Variants in ZNF664 observed in about 807,000 individuals in gnomAD.
ZNF664 encodes the protein zinc finger protein 664.
In ZNF664, 10 loss-of-function variants were observed where a neutral mutation model predicts 18.2. The observed-to-expected ratio is 0.55, with a 90% CI of 0.34 to 0.93. The LOEUF is 0.93. Ranked by LOEUF, ZNF664 falls within the 40% of genes least tolerant of loss-of-function variation. The pLI, the probability that ZNF664 is intolerant of heterozygous loss-of-function variation, is 0.02. For missense variants in ZNF664, 193 were observed against 319.0 expected (o/e 0.61, Z 3.01); for synonymous variants, 119 against 104.2 (o/e 1.14, Z -0.86).
Position 124,012,075 on chromosome 12 carries a change from A to G in ZNF664, c.-70A>G, listed in dbSNP as rs563822718. The G allele has an allele frequency of 2.7e-5, 41 of 1,520,938 alleles. No homozygotes were observed. The highest frequency in any genetic ancestry group is 3.5e-4 in the Middle Eastern group (2 of 5,650). 94.2% of individuals were successfully genotyped at this position (1,520,938 alleles called of 1,614,324 possible). On this transcript the variant is annotated 5_prime_UTR_variant, in exon 5 of 5. Coordinates refer to ENST00000337815, the MANE Select transcript of ZNF664 (RefSeq NM_152437.3). ...ATGGCCAAATAAGAGACTCTATGAA[A>G]TAACAGTCTTGTAACTGTAGTAATC...
In ZNF664 at chr12:124,010,664, CAG is replaced by C. The variant is rs200405314; in HGVS notation, c.-660-712_-660-711del. The stretch of plus-strand genomic sequence containing the variant: ...AACACCTCTCATTGCCAGGTTATAA[CAG>C]AGAGCAACGCACACAGTTCCTCCTT... On this transcript the variant is annotated intron_variant, in intron 3 of 4. Transcript: ENST00000337815. Among the ~76,000 whole-genome samples, 141 of 152,316 alleles carry C rather than the reference CAG, an allele frequency of 9.3e-4. No individual in the cohort carries two copies. The East Asian group carries it at 0.025, about 27-fold the overall frequency.
At chr12:123,975,430 A>AG (rs1279492145) in intron 2 of ZNF664, among the ~76,000 whole-genome samples, 24 of 151,564 alleles carry the variant, frequency 1.6e-4, no homozygotes, top group African/African-American at 5.8e-4. Context: ...TTAAAAAAAA[A>AG]AAAAAAGAGA....
chr12:123,985,525 C>T (rs981215936), intron 2 of ZNF664, among the ~76,000 whole-genome samples: 55 of 152,190 alleles, frequency 3.6e-4, no homozygotes, highest in African/African-American at 4.8e-5. Context: ...CTTGGTAAAA[C>T]TAATAGTATG....
intron 3 of ZNF664, 139 bp downstream of exon 3, chr12:123,988,277 T>C: frequency 1.5e-6 from 1 of 656,714 alleles, no homozygotes; most frequent in Non-Finnish European, 2.2e-6. Context: ...GTGCACGCTC[T>C]TCCTGACCTC....
chr12:123,977,301 G>A (rs938577750), intron 2 of ZNF664, among the ~76,000 whole-genome samples: 7 of 151,900 alleles, frequency 4.6e-5, no homozygotes, highest in Non-Finnish European at 5.9e-5. Context: ...AGTGAAGTGA[G>A]GCTCTAAAAT....
chr12:123,986,113 C>G (rs1434643486), intron 2 of ZNF664, among the ~76,000 whole-genome samples: 3 of 142,250 alleles, frequency 2.1e-5, no homozygotes, highest in South Asian at 4.6e-4. Flanking sequence ...GCATGTCTGG[C>G]GGGGGGCTGG....
chr12:124,010,897 G>A (rs1208663679), intron 3 of ZNF664, among the ~76,000 whole-genome samples: 1 of 152,182 alleles, frequency 6.6e-6, no homozygotes, highest in African/African-American at 2.4e-5. Context: ...GGAACAGCAT[G>A]TACAAAGGCC....
chr12:123,973,496 C>T (rs920696739), intron 1 of ZNF664, 144 bp downstream of exon 1: 12 of 465,492 alleles, frequency 2.6e-5, no homozygotes, highest in Admixed American at 2.6e-4. Flanking sequence ...GGATGGGCCT[C>T]GGGATGGCGG....
Position 124,012,927 on chromosome 12 carries a change from A to G in ZNF664, c.783A>G (p.Ile261Met), listed in dbSNP as rs1158325174. 4 of 1,612,108 alleles carry G rather than the reference A, an allele frequency of 2.5e-6. No individual in the cohort carries two copies. The highest frequency in any genetic ancestry group is 3.4e-6 in the Non-Finnish European group (4 of 1,179,480). Residue 261 changes from isoleucine to methionine, a missense_variant, in exon 5 of 5, where the codon ATA becomes ATG. Transcript: ENST00000337815. ...KERNHLKISV[I>M] ...GAAACCATCTCAAAATATCAGTTATATAAAACGTTTTGCTAAGAGTTTAAA... is the reference window on the plus strand; with the variant it reads ...GAAACCATCTCAAAATATCAGTTATGTAAAACGTTTTGCTAAGAGTTTAAA...
chr12:124,011,391 C>T lies in ZNF664; in HGVS notation c.-650C>T. On this transcript the variant is annotated 5_prime_UTR_variant, in exon 4 of 5. Coordinates refer to ENST00000337815, the MANE Select transcript of ZNF664 (RefSeq NM_152437.3). Reference sequence around the variant, plus strand: ...AATTCTCTCCTTCAGACCTGCAAATCCAAGAGACACATCTTTGGAAGATAA... The same window carrying T: ...AATTCTCTCCTTCAGACCTGCAAATTCAAGAGACACATCTTTGGAAGATAA... 22 of 1,012,500 alleles carry T rather than the reference C, an allele frequency of 2.2e-5. No homozygotes were observed. The highest frequency in any genetic ancestry group is 3.5e-5 in the African/African-American group (2 of 57,726). The allele number at this position is 1,012,500 out of a possible 1,614,324, so 62.7% of individuals were successfully genotyped here. A position where few individuals can be genotyped will look rare whatever the true frequency, so the allele number is the denominator to read the frequency against.
chr12:123,985,606 C>A (rs748691828), intron 2 of ZNF664, among the ~76,000 whole-genome samples: 1 of 152,168 alleles, frequency 6.6e-6, no homozygotes, highest in Non-Finnish European at 1.5e-5. Context: ...TTCCTAATAT[C>A]AGAAGTGGTA....
At chr12:123,987,961 G>A (rs991160001) in intron 2 of ZNF664, 82 bp from the exon 3 acceptor site, 6 of 1,229,034 alleles carry the variant, frequency 4.9e-6, no homozygotes, top group Non-Finnish European at 5.1e-6. Context: ...CACGTTTATA[G>A]TAGCTAGTTC....
At chr12:124,007,001 C>G (rs1957080518) in intron 3 of ZNF664, among the ~76,000 whole-genome samples, 2 of 152,190 alleles carry the variant, frequency 1.3e-5, no homozygotes, top group African/African-American at 2.4e-5. Flanking sequence ...TCTGGATTTA[C>G]AGCTGCCTCT....
intron 2 of ZNF664, among the ~76,000 whole-genome samples, chr12:123,987,723 A>G (rs765385098): frequency 3.9e-5 from 6 of 152,188 alleles, no homozygotes; most frequent in Non-Finnish European, 5.9e-5. Flanking sequence ...CAGTTATCTT[A>G]TACCTATGAA....
At position 123,974,006 on chromosome 12, in the gene ZNF664, C is replaced by G. The variant is rs750454509; in HGVS notation, c.-771C>G. 2.1e-5 allele frequency: 26 copies of G among 1,231,860 alleles called. No homozygotes were observed. The highest frequency in any genetic ancestry group is 2.4e-5 in the Non-Finnish European group (24 of 988,166). 76.3% of individuals were successfully genotyped at this position (1,231,860 alleles called of 1,614,324 possible). A position where few individuals can be genotyped will look rare whatever the true frequency, so the allele number is the denominator to read the frequency against. Reference sequence around the variant, plus strand: ...TCCATTGTTTGACCACAACAAGGGCCGGATTCTCACCCAGGTAAACCGGCT... The same window carrying G: ...TCCATTGTTTGACCACAACAAGGGCGGGATTCTCACCCAGGTAAACCGGCT... On this transcript the variant is annotated 5_prime_UTR_variant, in exon 2 of 5. Coordinates refer to ENST00000337815, the MANE Select transcript of ZNF664 (RefSeq NM_152437.3).
At chr12:123,976,067 T>C (rs1369064504) in intron 2 of ZNF664, among the ~76,000 whole-genome samples, 2 of 152,236 alleles carry the variant, frequency 1.3e-5, no homozygotes, top group Non-Finnish European at 2.9e-5. Context: ...CTTTCAGATA[T>C]ATATGAGTGC....
At position 124,012,026 on chromosome 12, in the gene ZNF664, G is replaced by A. The variant is rs1057055547; in HGVS notation, c.-119G>A. ...GCTGACCTTAAACTTACCTAATAGA[G>A]CAAGCCTGAGATAGACTGCCAAAAT... On this transcript the variant is annotated 5_prime_UTR_variant, in exon 5 of 5. Coordinates refer to ENST00000337815, the MANE Select transcript of ZNF664 (RefSeq NM_152437.3). 2.7e-6 allele frequency: 4 copies of A among 1,455,404 alleles called. No homozygotes were observed. Among genetic ancestry groups the A allele is most frequent in the African/African-American group, 2.9e-5 (2 of 70,120 alleles). The allele number at this position is 1,455,404 out of a possible 1,614,324, so 90.2% of individuals were successfully genotyped here.
intron 3 of ZNF664, among the ~76,000 whole-genome samples, chr12:123,989,094 T>A (rs1454220813): frequency 6.6e-6 from 1 of 152,180 alleles, no homozygotes; most frequent in East Asian, 1.9e-4. Flanking sequence ...GAGGATTGGC[T>A]GTGGGAGGTA....
At chr12:124,011,335 T>C in intron 3 of ZNF664, 46 bp from the exon 4 acceptor site, 2 of 958,598 alleles carry the variant, frequency 2.1e-6, no homozygotes, top group Non-Finnish European at 2.5e-6. Context: ...GATTATATAC[T>C]TGAGCTGTAA....
Sources: allele counts gnomAD v4.1 joint callset (sites outside exome capture counted in the v4.1 genomes callset), GRCh38; gene constraint gnomAD v4.1.1; transcripts MANE v1.5; gene names NCBI Gene and HGNC (gene_info 2026-07-23, HGNC 2026-07-21).